RYR2: variants seen among roughly 807,000 people sequenced by gnomAD.
RYR2 encodes the protein ryanodine receptor 2.
Under a neutral mutation model 601.1 loss-of-function variants are expected in RYR2, and 227 were observed. That is an observed-to-expected ratio of 0.38 (90% CI 0.34 to 0.42). RYR2 has a LOEUF of 0.42. RYR2 is among the 10% of genes least tolerant of loss of function. The probability of loss-of-function intolerance (pLI) is 1.00; values close to 1 mark genes in which losing one functional copy is unlikely to be tolerated. For missense variants in RYR2, 4,646 were observed against 6,156.5 expected, an observed-to-expected ratio of 0.75 and a Z score of 8.21; for synonymous variants, 2,223 against 2,175.1, an observed-to-expected ratio of 1.02 and a Z score of -0.61.
At chr1:237,800,635 A>G (rs1479665543) in intron 97 of RYR2, among the ~76,000 whole-genome samples, 2 of 152,348 alleles carry the variant, frequency 1.3e-5, no homozygotes, top group African/African-American at 4.8e-5. Context: ...ATTATGTTAT[A>G]TTGCATTATT....
At chr1:237,130,610 G>A (rs895830398) in intron 1 of RYR2, among the ~76,000 whole-genome samples, 4 of 152,038 alleles carry the variant, frequency 2.6e-5, no homozygotes, top group Non-Finnish European at 4.4e-5. Context: ...TACTCAGGAG[G>A]CTGAGGCAGG....
chr1:237,083,314 C>A (rs944877498), intron 1 of RYR2, among the ~76,000 whole-genome samples: 1 of 152,080 alleles, frequency 6.6e-6, no homozygotes, highest in Non-Finnish European at 1.5e-5. Flanking sequence ...ATGAAAAGCC[C>A]GTGGAATCCC....
At chr1:237,791,594 T>A in intron 93 of RYR2, 79 bp downstream of exon 93, 2 of 761,392 alleles carry the variant, frequency 2.6e-6, no homozygotes. Context: ...GATGAACGTA[T>A]CTACTACTGC....
intron 80 of RYR2, among the ~76,000 whole-genome samples, chr1:237,748,195 A>G (rs1031527038): frequency 6.6e-6 from 1 of 152,154 alleles, no homozygotes; most frequent in Non-Finnish European, 1.5e-5. Flanking sequence ...AGTAGAAGAT[A>G]GAGTGTTCTT....
At chr1:237,358,310 G>A (rs1377555042) in intron 4 of RYR2, among the ~76,000 whole-genome samples, 1 of 152,110 alleles carries the variant, frequency 6.6e-6, no homozygotes, top group Non-Finnish European at 1.5e-5. Flanking sequence ...TCGAGCTGGA[G>A]GGACGGATAT....
intron 87 of RYR2, among the ~76,000 whole-genome samples, chr1:237,777,118 C>G (rs1033041812): frequency 6.6e-6 from 1 of 152,220 alleles, no homozygotes; most frequent in Non-Finnish European, 1.5e-5. Context: ...AGCCTCTTCT[C>G]TCACTTGGTG....
intron 1 of RYR2, among the ~76,000 whole-genome samples, chr1:237,064,726 G>GT (rs1372286392): frequency 5.6e-4 from 2 of 3,570 alleles, no homozygotes; most frequent in Non-Finnish European, 1.7e-3. Flanking sequence ...TTTTGTTTTT[G>GT]TTTTTTGTTT....
intron 17 of RYR2, among the ~76,000 whole-genome samples, chr1:237,480,856 T>G (rs1342448734): frequency 6.6e-6 from 1 of 152,076 alleles, no homozygotes; most frequent in Non-Finnish European, 1.5e-5. Flanking sequence ...CCTTTTATCT[T>G]CACTAACTTC....
intron 1 of RYR2, among the ~76,000 whole-genome samples, chr1:237,057,977 A>G (rs1442087482): frequency 6.6e-6 from 1 of 152,114 alleles, no homozygotes; most frequent in Non-Finnish European, 1.5e-5. Context: ...GAGCTCTATA[A>G]AGCTTTGTTG....
chr1:237,644,372 A>G (rs1396815332), intron 48 of RYR2, among the ~76,000 whole-genome samples: 1 of 152,050 alleles, frequency 6.6e-6, no homozygotes, highest in Non-Finnish European at 1.5e-5. Flanking sequence ...AGCAGGGACT[A>G]CAGGCATGTG....
intron 2 of RYR2, among the ~76,000 whole-genome samples, chr1:237,330,411 G>A (rs1000526622): frequency 2.6e-5 from 4 of 152,168 alleles, no homozygotes; most frequent in Admixed American, 2.0e-4. Context: ...TTTTTGAGAC[G>A]GAGTCTCGCT....
chr1:237,337,783 T>C (rs1176896623), intron 3 of RYR2, among the ~76,000 whole-genome samples: 1 of 152,148 alleles, frequency 6.6e-6, no homozygotes, highest in Non-Finnish European at 1.5e-5. Context: ...AAAACAAAAC[T>C]ACACCCACAA....
In RYR2 at chr1:237,657,959, G is replaced by A; in HGVS notation, c.8145G>A (p.Glu2715=). 1 of 1,512,074 alleles carries A rather than the reference G, an allele frequency of 6.6e-7. No individual in the cohort carries two copies. The highest frequency in any genetic ancestry group is 8.9e-7 in the Non-Finnish European group (1 of 1,126,208). The allele number at this position is 1,512,074 out of a possible 1,614,324, so 93.7% of individuals were successfully genotyped here. ...TTTCTCATAGTATTACAATTCCTGA[G>A]AAATTGGAATACTTCATTAACAAAT... ...PVDTSNITIP[E]KLEYFINKYA... is the part of the protein sequence containing the mutation. Residue 2715 remains glutamate, a synonymous_variant, in exon 54 of 105, where the codon GAG becomes GAA. Coordinates refer to ENST00000366574, the MANE Select transcript of RYR2 (RefSeq NM_001035.3).
At chr1:237,128,317 G>A (rs1671768366) in intron 1 of RYR2, among the ~76,000 whole-genome samples, 1 of 152,204 alleles carries the variant, frequency 6.6e-6, no homozygotes, top group Admixed American at 6.5e-5. Flanking sequence ...GAGCCGAGAT[G>A]GCAGCAGTAC....
intron 17 of RYR2, among the ~76,000 whole-genome samples, chr1:237,479,813 C>T (rs1169213964): frequency 6.6e-6 from 1 of 152,192 alleles, no homozygotes; most frequent in Non-Finnish European, 1.5e-5. Context: ...ATATGCATTA[C>T]TCCACTGGAT....
chr1:237,656,841 T>A (rs915033646), intron 53 of RYR2, among the ~76,000 whole-genome samples: 1 of 152,228 alleles, frequency 6.6e-6, no homozygotes, highest in Non-Finnish European at 1.5e-5. Context: ...TTTGCATGTT[T>A]GGTCTTTGAT....
At chr1:237,453,316 C>T (rs1470186760) in intron 14 of RYR2, among the ~76,000 whole-genome samples, 1 of 152,026 alleles carries the variant, frequency 6.6e-6, no homozygotes, top group Admixed American at 6.6e-5. Context: ...TTTACTGTTT[C>T]TACTGTTTGA....
rs559267608 is a variant in RYR2, at chr1:237,330,980, G to C, written c.271G>C (p.Gly91Arg). ...MLANTVEKSE[G>R]QVDVEKWKFM... ...GGCTAACACCGTGGAGAAATCAGAA[G>C]GGGCAAGTACCCAATTTATGTAGAC... The change falls in exon 3 of 105, where the codon GGG (glycine) becomes CGG (arginine). Residue 91 changes from glycine to arginine, a missense_variant and splice_region_variant. Gly to Arg is a moderately radical substitution (Grantham distance 125, BLOSUM62 -2). Coordinates refer to ENST00000366574, the MANE Select transcript of RYR2 (RefSeq NM_001035.3). The C allele has an allele frequency of 6.2e-7, 1 of 1,613,214 alleles. No homozygotes were observed. Among genetic ancestry groups the C allele is most frequent in the African/African-American group, 1.3e-5 (1 of 75,040 alleles).
At chr1:237,401,628 T>C (rs1703355501) in intron 10 of RYR2, among the ~76,000 whole-genome samples, 1 of 152,232 alleles carries the variant, frequency 6.6e-6, no homozygotes, top group South Asian at 2.1e-4. Flanking sequence ...ATGTGTTCAC[T>C]ATCCAGGATG....
Sources: gnomAD v4.1 joint callset for allele counts (sites outside exome capture counted in the v4.1 genomes callset) on GRCh38, gnomAD v4.1.1 for gene constraint, MANE v1.5 for transcripts, NCBI Gene and HGNC (gene_info 2026-07-23, HGNC 2026-07-21) for gene names.